Variants in RAB5B observed in about 807,000 individuals in gnomAD.
The protein encoded by RAB5B is RAB5B, member RAS oncogene family.
In RAB5B, 11 loss-of-function variants were observed where a neutral mutation model predicts 28.6. The observed-to-expected ratio is 0.38, with a 90% CI of 0.24 to 0.64. The LOEUF (loss-of-function observed/expected upper bound fraction) is 0.64. RAB5B is among the 30% of genes least tolerant of loss of function. The pLI is 0.53. For synonymous variants in RAB5B, 93 were observed against 97.9 expected (o/e 0.95, Z 0.29); for missense variants, 169 against 265.6 (o/e 0.64, Z 2.53).
Position 55,992,444 on chromosome 12 carries a change from C to T in RAB5B, c.*232C>T, listed in dbSNP as rs1389577798. ...ACTCTGGGGCTTGGGGGTCAACTCCCCCCAGGACTTACCTTCCAAAACAAA... is the reference window on the plus strand; with the variant it reads ...ACTCTGGGGCTTGGGGGTCAACTCCTCCCAGGACTTACCTTCCAAAACAAA... On this transcript the variant is annotated 3_prime_UTR_variant, in exon 6 of 6. Coordinates refer to ENST00000360299, the MANE Select transcript of RAB5B (RefSeq NM_002868.4). The T allele has an allele frequency of 5.9e-6, 4 of 676,990 alleles. No homozygotes were observed. Among genetic ancestry groups the T allele is most frequent in the Admixed American group, 2.1e-5 (1 of 48,644 alleles). The allele number at this position is 676,990 out of a possible 1,614,324, so 41.9% of individuals were successfully genotyped here. A position where few individuals can be genotyped will look rare whatever the true frequency, so the allele number is the denominator to read the frequency against.
intron 2 of RAB5B, 138 bp from the exon 3 acceptor site, chr12:55,989,809 C>T: frequency 9.4e-7 from 1 of 1,060,186 alleles, no homozygotes; most frequent in South Asian, 1.4e-5. Context: ...AAGGAGAACT[C>T]AAAACCTTTT....
intron 1 of RAB5B, among the ~76,000 whole-genome samples, chr12:55,983,255 T>C (rs1192729389): frequency 6.6e-6 from 1 of 152,098 alleles, no homozygotes; most frequent in Non-Finnish European, 1.5e-5. Context: ...ATTTTTGTAT[T>C]TTTTAGTAGA....
At chr12:55,985,730 C>G (rs1452454583) in intron 1 of RAB5B, 4 of 455,860 alleles carry the variant, frequency 8.8e-6, no homozygotes, top group Non-Finnish European at 1.8e-5. Context: ...GAAGGTATAC[C>G]TTTCTCTGCC....
rs1164209676 is a variant in RAB5B at position 55,980,396 on chromosome 12, C to T, written c.-93+6257C>T. On this transcript the variant is annotated intron_variant, in intron 1 of 5. Coordinates refer to ENST00000360299, the MANE Select transcript of RAB5B (RefSeq NM_002868.4). ...TGTTGTCTCCCTCAGGTTCAGCTTC[C>T]GGGGTGGGGAGGCAAGAAAGGGTCC... 25 of 1,532,714 alleles carry T rather than the reference C, an allele frequency of 1.6e-5. No homozygotes were observed. The African/African-American group carries it at 1.9e-4, about 12-fold the overall frequency. 94.9% of individuals were successfully genotyped at this position (1,532,714 alleles called of 1,614,324 possible).
chr12:55,983,896 G>T lies in RAB5B; in HGVS notation c.-92-2973G>T, dbSNP rs184696088. ...GCTGGTCTCAAACTCCTCACCTCAAGCAAGGCTTCCCCTTTTATCTCCCAA... is the reference window on the plus strand; with the variant it reads ...GCTGGTCTCAAACTCCTCACCTCAATCAAGGCTTCCCCTTTTATCTCCCAA... On this transcript the variant is annotated intron_variant, in intron 1 of 5. Transcript: ENST00000360299. Among the ~76,000 whole-genome samples, 260 of 152,106 alleles carry T rather than the reference G, an allele frequency of 1.7e-3. 2 individuals are homozygous for T. Among genetic ancestry groups the T allele is most frequent in the South Asian group, 0.015 (74 of 4,826 alleles).
Position 55,995,681 on chromosome 12 carries a change from T to C in RAB5B, c.*3469T>C, listed in dbSNP as rs1180327216. The C allele has an allele frequency of 6.6e-6, 1 of 152,198 alleles. No homozygotes were observed. The highest frequency in any genetic ancestry group is 2.4e-5 in the African/African-American group (1 of 41,436). The allele number at this position is 152,198 out of a possible 1,614,324, so 9.4% of individuals were successfully genotyped here. ...CTGGTGCCAGACAAATCTGACATTC[T>C]AGGCCTGTCTCTGTCAACTTAACCA... On this transcript the variant is annotated 3_prime_UTR_variant, in exon 6 of 6. Coordinates refer to ENST00000360299, the MANE Select transcript of RAB5B (RefSeq NM_002868.4).
At chr12:55,985,465 T>G (rs1889926229) in intron 1 of RAB5B, 1 of 252,032 alleles carries the variant, frequency 4.0e-6, no homozygotes. Flanking sequence ...GGTTTTTGCA[T>G]GCTCTGCCTA....
At chr12:55,991,963 C>T (rs1890138249) in intron 5 of RAB5B, 134 bp from the exon 6 acceptor site, 1 of 655,742 alleles carries the variant, frequency 1.5e-6, no homozygotes, top group Non-Finnish European at 2.6e-6. Context: ...TGAACCCTCC[C>T]ATCTTCAGAA....
At chr12:55,981,014 T>A in intron 1 of RAB5B, 1 of 1,613,822 alleles carries the variant, frequency 6.2e-7, no homozygotes, top group Non-Finnish European at 8.5e-7. Flanking sequence ...CTTGAAGAGG[T>A]GGTCGTAGGC....
intron 1 of RAB5B, among the ~76,000 whole-genome samples, chr12:55,984,541 G>A (rs1033579652): frequency 1.3e-5 from 2 of 152,008 alleles, no homozygotes; most frequent in Non-Finnish European, 2.9e-5. Context: ...GCACAGTGGC[G>A]CATCAGCTCA....
At chr12:55,990,920 A>G in intron 4 of RAB5B, 116 bp downstream of exon 4, 1 of 1,318,796 alleles carries the variant, frequency 7.6e-7, no homozygotes, top group Middle Eastern at 2.7e-4. Context: ...CTCATTCCCC[A>G]GTTCTACACC....
rs1890207067 is a variant in RAB5B, at chr12:55,993,783, A to G, written c.*1571A>G. On this transcript the variant is annotated 3_prime_UTR_variant, in exon 6 of 6. Transcript: ENST00000360299. The stretch of plus-strand genomic sequence containing the variant: ...CAGAGGCCTCCTGTGGTGCCCTCGT[A>G]TCATACCACCTGTTCCTGTGGAGAG... The G allele has an allele frequency of 6.6e-6, 1 of 152,564 alleles. No homozygotes were observed. Among genetic ancestry groups the G allele is most frequent in the East Asian group, 1.9e-4 (1 of 5,198 alleles). The allele number at this position is 152,564 out of a possible 1,614,324, so 9.5% of individuals were successfully genotyped here.
In RAB5B at chr12:55,990,049, A is replaced by G. The variant is rs766820078; in HGVS notation, c.266A>G (p.Tyr89Cys). The G allele has an allele frequency of 1.1e-5, 18 of 1,614,056 alleles. No individual in the cohort carries two copies. Among genetic ancestry groups the G allele is most frequent in the Non-Finnish European group, 3.4e-6 (4 of 1,180,014 alleles). ...QERYHSLAPM[Y>C]YRGAQAAIVV... ...CGATATCACAGCTTAGCCCCCATGT[A>G]CTACAGGGGTGCCCAAGCTGCAATC... is the stretch of plus-strand genomic sequence containing the variant. The change falls in exon 3 of 6, where the codon TAC (tyrosine) becomes TGC (cysteine). Residue 89 changes from tyrosine to cysteine, a missense_variant. By Grantham distance (194) the Tyr-to-Cys change is radical (BLOSUM62 -2). Coordinates refer to ENST00000360299, the MANE Select transcript of RAB5B (RefSeq NM_002868.4).
intron 1 of RAB5B, chr12:55,979,357 C>G (rs1417074431): frequency 6.6e-6 from 1 of 152,108 alleles, no homozygotes; most frequent in African/African-American, 2.4e-5. Flanking sequence ...CTCATTTAAT[C>G]CAATGACTCA....
chr12:55,991,216 C>T (rs1890107557), intron 4 of RAB5B, 144 bp from the exon 5 acceptor site: 3 of 610,372 alleles, frequency 4.9e-6, no homozygotes, highest in African/African-American at 3.7e-5. Context: ...TTAAATTATG[C>T]ATCTAGGCTA....
chr12:55,979,049 A>G (rs1889727126), intron 1 of RAB5B, among the ~76,000 whole-genome samples: 2 of 152,144 alleles, frequency 1.3e-5, no homozygotes, highest in Non-Finnish European at 2.9e-5. Flanking sequence ...CTGGGATTAC[A>G]GGTGTGCGCC....
At chr12:55,982,494 A>G (rs189377330) in intron 1 of RAB5B, among the ~76,000 whole-genome samples, 79 of 152,162 alleles carry the variant, frequency 5.2e-4, no homozygotes, top group African/African-American at 1.9e-3. Flanking sequence ...GGATCTCACT[A>G]TGTTGCCCAG....
intron 1 of RAB5B, among the ~76,000 whole-genome samples, chr12:55,974,762 G>A (rs1392741777): frequency 1.3e-5 from 2 of 152,176 alleles, no homozygotes; most frequent in Non-Finnish European, 2.9e-5. Context: ...TGAAGTAATG[G>A]AAGCAGGGCC....
chr12:55,989,248 C>T (rs1184322233), intron 2 of RAB5B, among the ~76,000 whole-genome samples: 4 of 151,436 alleles, frequency 2.6e-5, no homozygotes, highest in Non-Finnish European at 5.9e-5. Context: ...AGCCAATCCT[C>T]TAATTAATTC....
Sources: gnomAD v4.1 joint callset for allele counts (sites outside exome capture counted in the v4.1 genomes callset) on GRCh38, gnomAD v4.1.1 for gene constraint, MANE v1.5 for transcripts, NCBI Gene and HGNC (gene_info 2026-07-23, HGNC 2026-07-21) for gene names.